The following DTD1 variants were observed in gnomAD, a reference collection of about 807,000 sequenced individuals.
The protein encoded by DTD1 is D-tyrosyl-tRNA deacylase 1 homolog.
Under a neutral mutation model 25.6 loss-of-function variants are expected in DTD1, and 13 were observed. The ratio of observed to expected loss-of-function variants is 0.51; its 90% CI spans 0.33 to 0.81. DTD1 has a LOEUF of 0.81. DTD1 is among the 30% of genes least tolerant of loss of function. The pLI is 0.02. For missense variants in DTD1, 193 were observed against 266.4 expected (o/e 0.72, Z 1.92); for synonymous variants, 110 against 103.6 (o/e 1.06, Z -0.37).
At chr20:18,595,906 G>A in intron 2 of DTD1, 100 bp from the exon 3 acceptor site, 2 of 981,484 alleles carry the variant, frequency 2.0e-6, no homozygotes, top group Non-Finnish European at 3.2e-6. Context: ...TCATCATTAT[G>A]TCCTTATTTG....
At chr20:18,731,226 C>T (rs559607698) in intron 4 of DTD1, among the ~76,000 whole-genome samples, 5 of 152,250 alleles carry the variant, frequency 3.3e-5, no homozygotes, top group African/African-American at 7.2e-5. Flanking sequence ...CCTCCTTTTA[C>T]AGTTCCTATC....
At chr20:18,640,843 C>G (rs922515212) in intron 4 of DTD1, among the ~76,000 whole-genome samples, 1 of 152,022 alleles carries the variant, frequency 6.6e-6, no homozygotes, top group African/African-American at 2.4e-5. Context: ...GTTGGCCAGG[C>G]TGATCTCAAA....
At chr20:18,668,944 T>G (rs2060942043) in intron 4 of DTD1, among the ~76,000 whole-genome samples, 2 of 152,332 alleles carry the variant, frequency 1.3e-5, no homozygotes, top group South Asian at 4.1e-4. Context: ...TTATTCTGGC[T>G]AACGAGCATC....
intron 4 of DTD1, among the ~76,000 whole-genome samples, chr20:18,670,412 C>T (rs972716690): frequency 3.3e-5 from 5 of 152,096 alleles, no homozygotes; most frequent in African/African-American, 9.7e-5. Context: ...GCCAAGATCA[C>T]GCCACTGCAC....
At chr20:18,748,902 ACC>A (rs2061311186) in intron 5 of DTD1, among the ~76,000 whole-genome samples, 1 of 149,640 alleles carries the variant, frequency 6.7e-6, no homozygotes, top group Admixed American at 6.6e-5. Flanking sequence ...GGGGGAGCAG[ACC>A]CCACGGGAAG....
intron 3 of DTD1, among the ~76,000 whole-genome samples, chr20:18,623,954 GA>G (rs2060747094): frequency 6.6e-6 from 1 of 150,556 alleles, no homozygotes; most frequent in South Asian, 2.1e-4. Flanking sequence ...CTACTCCAGG[GA>G]CTATGGCTCT....
At chr20:18,618,369 A>C (rs2060717865) in intron 3 of DTD1, among the ~76,000 whole-genome samples, 1 of 148,728 alleles carries the variant, frequency 6.7e-6, no homozygotes, top group South Asian at 2.1e-4. Flanking sequence ...TTTTTTTTTG[A>C]GACAGGGTCT....
chr20:18,707,369 C>G (rs8116794), intron 4 of DTD1, among the ~76,000 whole-genome samples: 2 of 152,240 alleles, frequency 1.3e-5, no homozygotes, highest in South Asian at 4.1e-4. Flanking sequence ...CAACCCTGGA[C>G]GGACTGCAGT....
chr20:18,711,914 G>A (rs1307105625), intron 4 of DTD1, among the ~76,000 whole-genome samples: 1 of 151,440 alleles, frequency 6.6e-6, no homozygotes, highest in Non-Finnish European at 1.5e-5. Flanking sequence ...AGGCCGGGGT[G>A]GGGGTTGCCG....
intron 3 of DTD1, among the ~76,000 whole-genome samples, chr20:18,596,692 G>T (rs1157587141): frequency 6.6e-6 from 1 of 150,740 alleles, no homozygotes; most frequent in African/African-American, 2.4e-5. Context: ...ATTTTACTAT[G>T]TAGTCGTTAT....
intron 4 of DTD1, among the ~76,000 whole-genome samples, chr20:18,637,871 A>AT (rs368471951): frequency 6.6e-6 from 1 of 152,070 alleles, no homozygotes; most frequent in Non-Finnish European, 1.5e-5. Context: ...AAGTATCACA[A>AT]TTTTTTCTCC....
At chr20:18,684,688 G>C (rs2061009942) in intron 4 of DTD1, among the ~76,000 whole-genome samples, 1 of 152,100 alleles carries the variant, frequency 6.6e-6, no homozygotes, top group South Asian at 2.1e-4. Context: ...TGTCTCTCCA[G>C]ATTTCAAGGT....
intron 4 of DTD1, among the ~76,000 whole-genome samples, chr20:18,695,578 TCCCC>T (rs1568672061): frequency 5.6e-3 from 4 of 708 alleles, no homozygotes; most frequent in African/African-American, 9.7e-3. Context: ...TCCATTCCCC[TCCCC>T]TCCCCTCCCC....
At chr20:18,666,052 T>C (rs1053865266) in intron 4 of DTD1, among the ~76,000 whole-genome samples, 1 of 152,238 alleles carries the variant, frequency 6.6e-6, no homozygotes, top group African/African-American at 2.4e-5. Flanking sequence ...CAGAATCTAG[T>C]CTAGGATCCT....
chr20:18,684,935 G>T (rs916739995), intron 4 of DTD1, among the ~76,000 whole-genome samples: 17 of 151,400 alleles, frequency 1.1e-4, no homozygotes, highest in African/African-American at 9.7e-5. Context: ...TAGAGATAAG[G>T]TTTCACTGTT....
chr20:18,703,438 T>C (rs952244026), intron 4 of DTD1, among the ~76,000 whole-genome samples: 11 of 152,116 alleles, frequency 7.2e-5, no homozygotes, highest in Admixed American at 7.2e-4. Flanking sequence ...GAGGAAGCTC[T>C]CTTCTTCTAT....
intron 4 of DTD1, among the ~76,000 whole-genome samples, chr20:18,672,965 A>G (rs903778638): frequency 6.6e-6 from 1 of 152,190 alleles, no homozygotes; most frequent in African/African-American, 2.4e-5. Context: ...CCTGTCGTCC[A>G]GCTGGGTTCT....
chr20:18,758,879 C>A (rs1176063205), intron 5 of DTD1, among the ~76,000 whole-genome samples: 1 of 151,944 alleles, frequency 6.6e-6, no homozygotes, highest in African/African-American at 2.4e-5. Flanking sequence ...GTGTTAAAGT[C>A]TCCCATTATT....
intron 4 of DTD1, among the ~76,000 whole-genome samples, chr20:18,636,298 T>C (rs771617731): frequency 7.9e-5 from 12 of 152,232 alleles, no homozygotes; most frequent in Non-Finnish European, 1.5e-4. Flanking sequence ...ACAGACTCAG[T>C]ATTTTAATTG....
Sources: gnomAD v4.1 joint callset for allele counts (sites outside exome capture counted in the v4.1 genomes callset) on GRCh38, gnomAD v4.1.1 for gene constraint, MANE v1.5 for transcripts, NCBI Gene and HGNC (gene_info 2026-07-23, HGNC 2026-07-21) for gene names.